Variants in BMP6 observed in about 807,000 individuals in gnomAD.
BMP6 encodes bone morphogenetic protein 6, also known as VG-1-R.
BMP6 carries 17 observed loss-of-function variants against 54.1 expected under a neutral mutation model. That is an observed-to-expected ratio of 0.31 (90% CI 0.22 to 0.47). BMP6 has a LOEUF of 0.47. BMP6 is among the 20% of genes least tolerant of loss of function. The probability of loss-of-function intolerance (pLI) is 1.00; values close to 1 mark genes in which losing one functional copy is unlikely to be tolerated. For synonymous variants in BMP6, 328 were observed against 291.2 expected (o/e 1.13, Z -1.28); for missense variants, 720 against 690.4 (o/e 1.04, Z -0.48).
intron 2 of BMP6, among the ~76,000 whole-genome samples, chr6:7,849,646 G>A (rs1434281343): frequency 6.6e-6 from 1 of 152,158 alleles, no homozygotes; most frequent in Non-Finnish European, 1.5e-5. Flanking sequence ...TTGGTTAAAG[G>A]CATACTTTTA....
intron 1 of BMP6, among the ~76,000 whole-genome samples, chr6:7,733,748 C>T (rs1050423154): frequency 6.6e-6 from 1 of 152,220 alleles, no homozygotes; most frequent in Non-Finnish European, 1.5e-5. Flanking sequence ...TCAACACCCT[C>T]ACTCCCATCT....
chr6:7,808,914 T>TAAAAAA (rs70982107), intron 1 of BMP6, among the ~76,000 whole-genome samples: 9 of 89,002 alleles, frequency 1.0e-4, no homozygotes, highest in African/African-American at 2.8e-4. Flanking sequence ...ACCCTGTCTC[T>TAAAAAA]AAAAAAAAAA....
At chr6:7,771,691 C>CA (rs1414297617) in intron 1 of BMP6, among the ~76,000 whole-genome samples, 1 of 68,170 alleles carries the variant, frequency 1.5e-5, no homozygotes, top group Non-Finnish European at 4.9e-5. Context: ...AGGGGTGTTA[C>CA]ACAGGGTGGT....
At chr6:7,735,645 G>T (rs1490158139) in intron 1 of BMP6, among the ~76,000 whole-genome samples, 2 of 152,144 alleles carry the variant, frequency 1.3e-5, no homozygotes, top group South Asian at 2.1e-4. Context: ...ATTTTGCAGA[G>T]ATTTCCCAGG....
chr6:7,805,660 A>G (rs1758336403), intron 1 of BMP6, among the ~76,000 whole-genome samples: 2 of 152,236 alleles, frequency 1.3e-5, no homozygotes, highest in African/African-American at 4.8e-5. Context: ...CGCCTATTTC[A>G]TTATGACTGG....
chr6:7,806,843 A>G (rs1561777759), intron 1 of BMP6, among the ~76,000 whole-genome samples: 1 of 152,218 alleles, frequency 6.6e-6, no homozygotes, highest in Non-Finnish European at 1.5e-5. Flanking sequence ...CCTTGTCAAG[A>G]GGCCAATTAA....
intron 2 of BMP6, among the ~76,000 whole-genome samples, chr6:7,849,457 T>G (rs1759111457): frequency 6.6e-6 from 1 of 152,214 alleles, no homozygotes; most frequent in Non-Finnish European, 1.5e-5. Flanking sequence ...TAAGCTGACT[T>G]CACACCGGGA....
intron 2 of BMP6, among the ~76,000 whole-genome samples, chr6:7,845,542 A>C (rs1050147385): frequency 1.3e-5 from 2 of 152,244 alleles, no homozygotes; most frequent in Non-Finnish European, 2.9e-5. Flanking sequence ...TTCCTAAGAA[A>C]GCTAGTGAAT....
intron 4 of BMP6, among the ~76,000 whole-genome samples, chr6:7,876,483 C>CTT (rs1202480099): frequency 2.6e-5 from 4 of 152,080 alleles, no homozygotes; most frequent in Admixed American, 2.6e-4. Flanking sequence ...ATTTGTTGGA[C>CTT]TTTTCATTCT....
chr6:7,815,351 A>G (rs974565390), intron 1 of BMP6, among the ~76,000 whole-genome samples: 14 of 152,256 alleles, frequency 9.2e-5, no homozygotes, highest in Non-Finnish European at 1.5e-4. Flanking sequence ...AATAAAAAAT[A>G]TCTGGGCTTG....
intron 4 of BMP6, among the ~76,000 whole-genome samples, chr6:7,864,010 GAAAAA>G (rs5874117): frequency 7.8e-6 from 1 of 128,910 alleles, no homozygotes; most frequent in Non-Finnish European, 1.7e-5. Context: ...AGACTCCATC[GAAAAA>G]AAAAAAAAAA....
At chr6:7,741,667 A>G (rs931081419) in intron 1 of BMP6, among the ~76,000 whole-genome samples, 1 of 152,228 alleles carries the variant, frequency 6.6e-6, no homozygotes, top group Non-Finnish European at 1.5e-5. Context: ...TCCTGGGCTC[A>G]AGCGATCCTC....
At chr6:7,874,273 G>C (rs1435733493) in intron 4 of BMP6, among the ~76,000 whole-genome samples, 1 of 152,232 alleles carries the variant, frequency 6.6e-6, no homozygotes, top group Non-Finnish European at 1.5e-5. Context: ...TGTGTGCTCA[G>C]GAGGTTGATA....
At chr6:7,762,064 G>A (rs1246739832) in intron 1 of BMP6, among the ~76,000 whole-genome samples, 1 of 152,154 alleles carries the variant, frequency 6.6e-6, no homozygotes, top group Non-Finnish European at 1.5e-5. Context: ...TGGGATTACA[G>A]GCGCCCGCCA....
intron 1 of BMP6, among the ~76,000 whole-genome samples, chr6:7,769,836 C>T (rs1757756625): frequency 6.6e-6 from 1 of 152,208 alleles, no homozygotes; most frequent in South Asian, 2.1e-4. Flanking sequence ...CCTAACTTGT[C>T]TTTTCATTGT....
chr6:7,787,062 A>AATAAT (rs1758030725), intron 1 of BMP6, among the ~76,000 whole-genome samples: 1 of 152,172 alleles, frequency 6.6e-6, no homozygotes, highest in Non-Finnish European at 1.5e-5. Context: ...AGCCTCCTTT[A>AATAAT]GTTTCTTTTC....
At chr6:7,879,005 T>G (rs1436859588) in intron 4 of BMP6, 69 bp from the exon 5 acceptor site, 1 of 1,484,182 alleles carries the variant, frequency 6.7e-7, no homozygotes, top group Non-Finnish European at 9.4e-7. Context: ...TGGTAAACTC[T>G]CTATGAAGGA....
At chr6:7,835,646 A>G (rs1357845761) in intron 1 of BMP6, among the ~76,000 whole-genome samples, 1 of 152,164 alleles carries the variant, frequency 6.6e-6, no homozygotes, top group Non-Finnish European at 1.5e-5. Context: ...CAGCCCTTGT[A>G]AGGGGGCAAA....
intron 1 of BMP6, among the ~76,000 whole-genome samples, chr6:7,782,369 GAA>G (rs1317828563): frequency 1.3e-5 from 2 of 152,178 alleles, no homozygotes; most frequent in Non-Finnish European, 2.9e-5. Flanking sequence ...TCTGGAGGCT[GAA>G]AGAGAGGTGG....
Sources: allele counts gnomAD v4.1 joint callset (sites outside exome capture counted in the v4.1 genomes callset), GRCh38; gene constraint gnomAD v4.1.1; transcripts MANE v1.5; gene names NCBI Gene and HGNC (gene_info 2026-07-23, HGNC 2026-07-21).